HDAC4: variants seen among roughly 807,000 people sequenced by gnomAD.
The protein encoded by HDAC4 is histone deacetylase 4.
In HDAC4, 16 loss-of-function variants were observed where a neutral mutation model predicts 135.1. The ratio of observed to expected loss-of-function variants is 0.12; its 90% CI spans 0.08 to 0.18. The LOEUF (loss-of-function observed/expected upper bound fraction) is 0.18, where lower values mean the gene tolerates loss of function less well. Among genes scored for constraint, HDAC4 ranks in the 10% least tolerant of loss-of-function variants. The pLI is 1.00. For synonymous variants in HDAC4, 685 were observed against 653.4 expected (o/e 1.05, Z -0.74); for missense variants, 1,143 against 1,511.8 (o/e 0.76, Z 4.05).
intron 1 of HDAC4, among the ~76,000 whole-genome samples, chr2:239,389,309 A>C (rs1343327256): frequency 6.6e-6 from 1 of 152,154 alleles, no homozygotes; most frequent in African/African-American, 2.4e-5. Context: ...TCTCCACAAT[A>C]AATCTTGCTG....
chr2:239,084,767 A>G (rs554325373), intron 19 of HDAC4, among the ~76,000 whole-genome samples: 9 of 140,334 alleles, frequency 6.4e-5, no homozygotes, highest in Non-Finnish European at 1.1e-4. Flanking sequence ...CACACACCCC[A>G]CACACACTCC....
In HDAC4 at chr2:239,073,990, C is replaced by CGCAGGACTGAGGGGGGCA. The variant is rs1317283305; in HGVS notation, c.2751-5401_2751-5384dup. ...AGGGGGGCCGCAGGACTGAGGGGGC[C>CGCAGGACTGAGGGGGGCA]GCAGGACTGAGGGGGGCAGCAGGAC... On this transcript the variant is annotated intron_variant, in intron 22 of 26. Coordinates refer to ENST00000543185, the MANE Select transcript of HDAC4 (RefSeq NM_001378414.1). Among the ~76,000 whole-genome samples, 6 of 147,510 alleles carry CGCAGGACTGAGGGGGGCA rather than the reference C, an allele frequency of 4.1e-5. 1 individual carries two copies. Among genetic ancestry groups the CGCAGGACTGAGGGGGGCA allele is most frequent in the African/African-American group, 7.5e-5 (3 of 39,790 alleles).
chr2:239,357,293 G>C (rs1178081836), intron 1 of HDAC4, among the ~76,000 whole-genome samples: 1 of 152,126 alleles, frequency 6.6e-6, no homozygotes, highest in Non-Finnish European at 1.5e-5. Flanking sequence ...AAAGAAGTTA[G>C]AAAACATTTT....
chr2:239,077,431 C>G, intron 22 of HDAC4, among the ~76,000 whole-genome samples: 1 of 152,264 alleles, frequency 6.6e-6, no homozygotes, highest in East Asian at 1.9e-4. Context: ...CCTCCCAGTC[C>G]CCCGCTATCC....
intron 2 of HDAC4, among the ~76,000 whole-genome samples, chr2:239,295,179 C>T (rs1240555144): frequency 1.3e-5 from 2 of 149,516 alleles, no homozygotes; most frequent in East Asian, 2.0e-4. Context: ...TAGTGGCGGG[C>T]GCCTGTAGTC....
At chr2:239,344,464 C>T (rs927524503) in intron 2 of HDAC4, among the ~76,000 whole-genome samples, 9 of 151,982 alleles carry the variant, frequency 5.9e-5, no homozygotes, top group South Asian at 4.1e-4. Flanking sequence ...CCATTGACAG[C>T]GAATTTTCTG....
At chr2:239,254,459 A>G (rs1397550491) in intron 2 of HDAC4, among the ~76,000 whole-genome samples, 1 of 152,174 alleles carries the variant, frequency 6.6e-6, no homozygotes, top group Non-Finnish European at 1.5e-5. Context: ...AACTATCATG[A>G]AGGAAAAAAA....
chr2:239,106,668 T>C (rs1454765569), intron 15 of HDAC4, among the ~76,000 whole-genome samples: 3 of 151,148 alleles, frequency 2.0e-5, no homozygotes, highest in Non-Finnish European at 4.4e-5. Flanking sequence ...GTATCACCAA[T>C]AAAACTGGTA....
intron 1 of HDAC4, among the ~76,000 whole-genome samples, chr2:239,357,878 G>T (rs1180599948): frequency 9.2e-6 from 1 of 108,638 alleles, no homozygotes; most frequent in African/African-American, 4.0e-5. Context: ...GACAGAGCAA[G>T]CCTCTGTTCC....
rs1355443190 is a variant in HDAC4 at position 239,163,938 on chromosome 2, A to T, written c.491-15T>A. On this transcript the variant is annotated splice_polypyrimidine_tract_variant and intron_variant, in intron 5 of 26. Transcript: ENST00000543185. ...GGCCACGGCACCTGGCGTGGGAGAA[A>T]GCATAGCAGGGGGTGAAGTGTGGCT... 1 of 1,613,936 alleles carries T rather than the reference A, an allele frequency of 6.2e-7. No individual in the cohort carries two copies. Among genetic ancestry groups the T allele is most frequent in the East Asian group, 2.2e-5 (1 of 44,854 alleles).
At chr2:239,395,290 T>C (rs1696485356) in intron 1 of HDAC4, among the ~76,000 whole-genome samples, 1 of 152,078 alleles carries the variant, frequency 6.6e-6, no homozygotes, top group African/African-American at 2.4e-5. Flanking sequence ...AGGAAAGTCA[T>C]GCCAGGGTTT....
chr2:239,247,213 C>G lies in HDAC4; in HGVS notation c.23-10549G>C, dbSNP rs369687016. Among the ~76,000 whole-genome samples the G allele has an allele frequency of 5.2e-4, 79 of 152,356 alleles. 2 individuals carry two copies. In the South Asian group the frequency reaches 0.016, roughly 30 times the overall value. Reference sequence around the variant, plus strand: ...AAACCAAAAGGCCCACTTTTTCATGCTGTACCCACCACTTCTGTTTCCCCG... The same window carrying G: ...AAACCAAAAGGCCCACTTTTTCATGGTGTACCCACCACTTCTGTTTCCCCG... On this transcript the variant is annotated intron_variant, in intron 2 of 26. Coordinates refer to ENST00000543185, the MANE Select transcript of HDAC4 (RefSeq NM_001378414.1).
intron 15 of HDAC4, among the ~76,000 whole-genome samples, chr2:239,104,079 C>G (rs1222639431): frequency 2.0e-5 from 3 of 152,234 alleles, no homozygotes; most frequent in African/African-American, 7.2e-5. Context: ...TAAAAAACGA[C>G]TCTATGGTCC....
intron 2 of HDAC4, among the ~76,000 whole-genome samples, chr2:239,248,305 C>T (rs1020500339): frequency 2.6e-5 from 4 of 152,108 alleles, no homozygotes; most frequent in African/African-American, 9.6e-5. Context: ...CTCAGCCTCC[C>T]GAATAGCTGG....
Position 239,400,128 on chromosome 2 carries a change from G to C in HDAC4, c.-220+850C>G, listed in dbSNP as rs1248432594. ...GCCGGCAAACGCGGATCCCACCCCC[G>C]AGCGGGACCGGGCCCCGTCTCGGCC... On this transcript the variant is annotated intron_variant, in intron 1 of 26. Transcript: ENST00000543185. This position sits in a 1 kb window ranked among gnomAD's most constrained non-coding sequence, Gnocchi z 4.7. 6.6e-6 allele frequency among the ~76,000 whole-genome samples: 1 copy of C among 151,368 alleles called. No homozygotes were observed. Among genetic ancestry groups the C allele is most frequent in the Non-Finnish European group, 1.5e-5 (1 of 67,830 alleles).
Position 239,048,219 on chromosome 2 carries a change from G to A in HDAC4, c.*4878C>T, listed in dbSNP as rs1284916772. 2 of 152,302 alleles carry A rather than the reference G, an allele frequency of 1.3e-5. No individual in the cohort carries two copies. The highest frequency in any genetic ancestry group is 4.8e-5 in the African/African-American group (2 of 41,474). 9.4% of individuals were successfully genotyped at this position (152,302 alleles called of 1,614,324 possible). ...TTTACACCACAAGATAACACGTTGC[G>A]TGATGTGGTACAGAATACTGGACTC... is the stretch of plus-strand genomic sequence containing the variant. On this transcript the variant is annotated 3_prime_UTR_variant, in exon 27 of 27. Coordinates refer to ENST00000543185, the MANE Select transcript of HDAC4 (RefSeq NM_001378414.1).
intron 17 of HDAC4, 64 bp from the exon 18 acceptor site, chr2:239,090,180 T>G (rs1203558758): frequency 8.2e-7 from 1 of 1,220,630 alleles, no homozygotes; most frequent in African/African-American, 1.5e-5. Flanking sequence ...CAGCCCTGGC[T>G]GGGCAGAGCA....
intron 24 of HDAC4, among the ~76,000 whole-genome samples, chr2:239,061,573 G>C (rs1048367530): frequency 3.9e-5 from 6 of 152,112 alleles, no homozygotes; most frequent in African/African-American, 1.4e-4. Flanking sequence ...ATGTGAGACT[G>C]TGGTGCCTAT....
chr2:239,249,084 G>T (rs2048631273), intron 2 of HDAC4, among the ~76,000 whole-genome samples: 1 of 152,256 alleles, frequency 6.6e-6, no homozygotes. Flanking sequence ...AGTGACCTGA[G>T]AGGGCCCTGT....
Sources: gnomAD v4.1 joint callset for allele counts (sites outside exome capture counted in the v4.1 genomes callset) on GRCh38, gnomAD v4.1.1 for gene constraint, Gnocchi (gnomAD v3.1) non-coding constraint, MANE v1.5 for transcripts, NCBI Gene and HGNC (gene_info 2026-07-23, HGNC 2026-07-21) for gene names.